MRTFA: variants seen among roughly 807,000 people sequenced by gnomAD.
MRTFA encodes the protein myocardin-related transcription factor A.
Under a neutral mutation model 83.5 loss-of-function variants are expected in MRTFA, and 20 were observed. The ratio of observed to expected loss-of-function variants is 0.24; its 90% confidence interval spans 0.17 to 0.35. MRTFA has a LOEUF of 0.35. MRTFA is among the 10% of genes least tolerant of loss of function. The pLI is 1.00. For missense variants in MRTFA, 1,200 were observed against 1,224.7 expected, an observed-to-expected ratio of 0.98 and a Z score of 0.30; for synonymous variants, 659 against 541.2, an observed-to-expected ratio of 1.22 and a Z score of -3.02.
intron 8 of MRTFA, among the ~76,000 whole-genome samples, chr22:40,423,888 A>T (rs1189773446): frequency 6.6e-6 from 1 of 152,188 alleles, no homozygotes; most frequent in East Asian, 1.9e-4. Flanking sequence ...AAAAGGTCAC[A>T]GAACTGAATA....
chr22:40,466,446 C>T (rs2053813387), intron 3 of MRTFA, among the ~76,000 whole-genome samples: 1 of 152,106 alleles, frequency 6.6e-6, no homozygotes, highest in Non-Finnish European at 1.5e-5. Flanking sequence ...AGGATTCGTA[C>T]CCACATTTCT....
chr22:40,459,860 T>TATATAC (rs2053677983), intron 4 of MRTFA, among the ~76,000 whole-genome samples: 1 of 130,502 alleles, frequency 7.7e-6, no homozygotes, highest in Non-Finnish European at 1.6e-5. Context: ...TATATATATA[T>TATATAC]ATACACACAT....
At chr22:40,465,477 T>C (rs141414728) in intron 3 of MRTFA, among the ~76,000 whole-genome samples, 8 of 152,306 alleles carry the variant, frequency 5.3e-5, no homozygotes, top group East Asian at 3.9e-4. Context: ...CTGACACTTA[T>C]GACGCACGTA....
At chr22:40,613,029 A>G (rs1025730135) in intron 1 of MRTFA, among the ~76,000 whole-genome samples, 6 of 152,076 alleles carry the variant, frequency 3.9e-5, no homozygotes, top group African/African-American at 1.4e-4. Flanking sequence ...TCTAATCACC[A>G]CTGATCTAAT....
At chr22:40,496,735 A>C (rs913096224) in intron 3 of MRTFA, among the ~76,000 whole-genome samples, 1 of 145,026 alleles carries the variant, frequency 6.9e-6, no homozygotes, top group African/African-American at 2.6e-5. Context: ...GGAATAGAAC[A>C]ATCTATTTTC....
chr22:40,496,651 T>C (rs558481569), intron 3 of MRTFA, among the ~76,000 whole-genome samples: 2 of 145,224 alleles, frequency 1.4e-5, no homozygotes, highest in East Asian at 2.1e-4. Flanking sequence ...CACACAATTA[T>C]GTAACACATA....
chr22:40,490,247 G>A (rs890303987), intron 3 of MRTFA, among the ~76,000 whole-genome samples: 5 of 152,066 alleles, frequency 3.3e-5, no homozygotes, highest in Non-Finnish European at 5.9e-5. Flanking sequence ...TTTCTTTGAC[G>A]TTAGTCCAGA....
At chr22:40,603,260 A>C (rs896453559) in intron 1 of MRTFA, among the ~76,000 whole-genome samples, 2 of 152,204 alleles carry the variant, frequency 1.3e-5, no homozygotes, top group Non-Finnish European at 2.9e-5. Context: ...GAATTCACCC[A>C]TAAAGAACTA....
At chr22:40,539,374 C>T (rs2055248267) in intron 3 of MRTFA, among the ~76,000 whole-genome samples, 1 of 146,410 alleles carries the variant, frequency 6.8e-6, no homozygotes. Context: ...GAATCTTGCT[C>T]TGTCGCCCAG....
intron 1 of MRTFA, among the ~76,000 whole-genome samples, chr22:40,632,286 C>G (rs2056650014): frequency 6.6e-6 from 1 of 152,124 alleles, no homozygotes; most frequent in Non-Finnish European, 1.5e-5. Context: ...TGACATATTA[C>G]TGCAATTTTT....
chr22:40,580,640 T>C lies in MRTFA; in HGVS notation c.-22+14034A>G, dbSNP rs757812716. On this transcript the variant is annotated intron_variant, in intron 2 of 14. Coordinates refer to ENST00000355630, the MANE Select transcript of MRTFA (RefSeq NM_020831.6). ...GAATATTGGAAGTAAGTTGAAAGTT[T>C]CCCTCTTCATTCCACTGTCCTGTCT... Among the ~76,000 whole-genome samples the C allele has an allele frequency of 2.6e-5, 4 of 152,216 alleles. No homozygotes were observed. In the South Asian group the frequency reaches 6.2e-4, roughly 24 times the overall value.
intron 1 of MRTFA, among the ~76,000 whole-genome samples, chr22:40,625,972 C>T (rs534454198): frequency 6.6e-6 from 1 of 151,298 alleles, no homozygotes; most frequent in South Asian, 2.1e-4. Context: ...AAACAATGGA[C>T]AAAAAAGAAA....
intron 3 of MRTFA, among the ~76,000 whole-genome samples, chr22:40,525,913 A>C (rs2054963189): frequency 6.6e-6 from 1 of 152,186 alleles, no homozygotes; most frequent in African/African-American, 2.4e-5. Context: ...CACAACCAAT[A>C]AACAAATGAA....
chr22:40,502,358 A>T (rs1366696185), intron 3 of MRTFA, among the ~76,000 whole-genome samples: 1 of 109,192 alleles, frequency 9.2e-6, no homozygotes, highest in Non-Finnish European at 1.9e-5. Flanking sequence ...GCGGCCGGGC[A>T]GAGACGCTCC....
At chr22:40,499,694 T>A (rs1439407491) in intron 3 of MRTFA, among the ~76,000 whole-genome samples, 1 of 152,194 alleles carries the variant, frequency 6.6e-6, no homozygotes, top group Non-Finnish European at 1.5e-5. Context: ...TTCTTACAAA[T>A]GACTCTGTAA....
chr22:40,429,098 G>A (rs536319402), intron 7 of MRTFA, among the ~76,000 whole-genome samples: 2 of 152,144 alleles, frequency 1.3e-5, no homozygotes, highest in African/African-American at 2.4e-5. Context: ...GCTCCTAGGC[G>A]TGAGCTCCAT....
intron 1 of MRTFA, among the ~76,000 whole-genome samples, chr22:40,601,009 C>G (rs576962027): frequency 6.6e-6 from 1 of 152,036 alleles, no homozygotes; most frequent in Non-Finnish European, 1.5e-5. Context: ...AAAAAAACTA[C>G]AATCTCAAAC....
chr22:40,623,894 T>A (rs1026599457), intron 1 of MRTFA, among the ~76,000 whole-genome samples: 1 of 152,028 alleles, frequency 6.6e-6, no homozygotes, highest in African/African-American at 2.4e-5. Flanking sequence ...GGCGAGAGGA[T>A]CTCTTGAACC....
At chr22:40,520,569 C>T (rs938869333) in intron 3 of MRTFA, among the ~76,000 whole-genome samples, 2 of 152,094 alleles carry the variant, frequency 1.3e-5, no homozygotes, top group Non-Finnish European at 2.9e-5. Context: ...ACCAGCCTGG[C>T]TAATTTTTCT....
Sources: gnomAD v4.1 joint callset for allele counts (sites outside exome capture counted in the v4.1 genomes callset) on GRCh38, gnomAD v4.1.1 for gene constraint, MANE v1.5 for transcripts, NCBI Gene and HGNC (gene_info 2026-07-23, HGNC 2026-07-21) for gene names.